Variants in CRNKL1 observed in about 807,000 individuals in gnomAD.
The protein encoded by CRNKL1 is crooked neck-like protein 1.
CRNKL1 carries 35 observed loss-of-function variants against 103.7 expected under a neutral mutation model. The observed-to-expected ratio is 0.34, with a 90% CI of 0.26 to 0.45. The LOEUF (loss-of-function observed/expected upper bound fraction) is 0.45. Ranked by LOEUF, CRNKL1 falls within the 20% of genes least tolerant of loss-of-function variation. The probability of loss-of-function intolerance (pLI) is 1.00; values close to 1 mark genes in which losing one functional copy is unlikely to be tolerated. For missense variants in CRNKL1, 645 were observed against 836.0 expected (o/e 0.77, Z 2.82); for synonymous variants, 267 against 282.6 (o/e 0.94, Z 0.55).
At chr20:20,054,612 G>A (rs1393462983), upstream of CRNKL1, among the ~76,000 whole-genome samples, 1 of 152,182 alleles carries the variant, frequency 6.6e-6, no homozygotes, top group Non-Finnish European at 1.5e-5. Context: ...TTGTTACTGT[G>A]CTACAATGGC....
intron 2 of CRNKL1, 24 bp downstream of exon 2, chr20:20,050,446 C>T: frequency 6.2e-7 from 1 of 1,604,482 alleles, no homozygotes; most frequent in Non-Finnish European, 8.5e-7. Flanking sequence ...AATTAGTGGA[C>T]TGAAAGATAC....
intron 11 of CRNKL1, among the ~76,000 whole-genome samples, chr20:20,039,126 C>T (rs1270221414): frequency 1.3e-5 from 2 of 152,180 alleles, no homozygotes; most frequent in Admixed American, 6.5e-5. Flanking sequence ...TCAAATCTTT[C>T]CTAGCTGTGG....
rs2043399709 is a variant in CRNKL1 at position 20,035,144 on chromosome 20, T to TAA, written c.*1049_*1050dup. ...TTCTACACATGCTCTAAACCAAGAGTAAGTTTAACATGTCAGCAGTGAGGA... is the reference window on the plus strand; with the variant it reads ...TTCTACACATGCTCTAAACCAAGAGTAAAAGTTTAACATGTCAGCAGTGAGGA... On this transcript the variant is annotated 3_prime_UTR_variant, in exon 14 of 14. Coordinates refer to ENST00000536226, the MANE Select transcript of CRNKL1 (RefSeq NM_001278628.2). 6.6e-6 allele frequency: 1 copy of TAA among 152,166 alleles called. No individual in the cohort carries two copies. The highest frequency in any genetic ancestry group is 2.1e-4 in the South Asian group (1 of 4,824). 9.4% of individuals were successfully genotyped at this position (152,166 alleles called of 1,614,324 possible).
upstream of CRNKL1, chr20:20,055,829 C>G (rs926645): frequency 0.08 from 58,232 of 728,846 alleles, 7,528 homozygotes; most frequent in East Asian, 0.56. Flanking sequence ...TTTGAGCTCA[C>G]TGGCTAGTAT....
upstream of CRNKL1, among the ~76,000 whole-genome samples, chr20:20,053,275 A>G (rs1419060415): frequency 1.3e-5 from 2 of 152,234 alleles, no homozygotes; most frequent in African/African-American, 2.4e-5. Flanking sequence ...TAGGTTCACA[A>G]CAAAATTAAG....
At chr20:20,052,844 T>G (rs1230883738), upstream of CRNKL1, 1 of 932,644 alleles carries the variant, frequency 1.1e-6, no homozygotes, top group Non-Finnish European at 1.6e-6. Flanking sequence ...TAGGCTGCAA[T>G]GCCTCGAGCA....
At chr20:20,048,733 G>A (rs2043634368) in intron 3 of CRNKL1, among the ~76,000 whole-genome samples, 2 of 152,188 alleles carry the variant, frequency 1.3e-5, no homozygotes, top group Admixed American at 1.3e-4. Context: ...AGATCTGCAC[G>A]GGAAACAGAG....
upstream of CRNKL1, among the ~76,000 whole-genome samples, chr20:20,053,755 GAGA>G (rs780470243): frequency 4.6e-5 from 7 of 152,040 alleles, no homozygotes; most frequent in African/African-American, 7.2e-5. Flanking sequence ...AATTTAAATA[GAGA>G]AGATTTTATA....
intron 8 of CRNKL1, 64 bp downstream of exon 8, chr20:20,042,261 G>T: frequency 7.3e-7 from 1 of 1,377,400 alleles, no homozygotes; most frequent in Non-Finnish European, 9.8e-7. Context: ...ATCCACAATA[G>T]GTGAGCTGTG....
At chr20:20,040,841 T>C in intron 9 of CRNKL1, 75 bp from the exon 10 acceptor site, 1 of 1,048,506 alleles carries the variant, frequency 9.5e-7, no homozygotes, top group South Asian at 1.4e-5. Context: ...TTAATTTAAA[T>C]TAACCAAAGC....
At chr20:20,040,416 T>G (rs2043494457) in intron 10 of CRNKL1, among the ~76,000 whole-genome samples, 1 of 152,134 alleles carries the variant, frequency 6.6e-6, no homozygotes, top group Non-Finnish European at 1.5e-5. Flanking sequence ...GATTACTAAT[T>G]CCAGTCTGTG....
At chr20:20,055,944 C>T (rs143987574), upstream of CRNKL1, 178 of 1,601,806 alleles carry the variant, frequency 1.1e-4, 1 homozygote, top group African/African-American at 1.7e-3. Context: ...ATTTTGTGAC[C>T]TACTGTTTTT....
In CRNKL1 at chr20:20,038,381, G is replaced by A. The variant is rs369861927; in HGVS notation, c.1615C>T (p.Arg539Trp). The A allele has an allele frequency of 1.4e-5, 22 of 1,552,308 alleles. No homozygotes were observed. The African/African-American group carries it at 1.9e-4, about 14-fold the overall frequency. ...TGCTGCGTCCGTTGAAGCAACCGCCGGTAAAGGTTTCGTGTTCTTTCTGTT... is the reference window on the plus strand; with the variant it reads ...TGCTGCGTCCGTTGAAGCAACCGCCAGTAAAGGTTTCGTGTTCTTTCTGTT... ...EETERTRNLY[R>W]RLLQRTQHVK... Residue 539 changes from arginine to tryptophan, a missense_variant, in exon 12 of 14, where the codon CGG becomes TGG. By Grantham distance (101) the Arg-to-Trp change is moderately radical (BLOSUM62 -3). Coordinates refer to ENST00000536226, the MANE Select transcript of CRNKL1 (RefSeq NM_001278628.2).
At chr20:20,052,054 ACCGAACCAC>A (rs2043760999) in intron 1 of CRNKL1, among the ~76,000 whole-genome samples, 1 of 151,856 alleles carries the variant, frequency 6.6e-6, no homozygotes, top group South Asian at 2.1e-4. Flanking sequence ...GTAAATCTTC[ACCGAACCAC>A]CCCACTCCAC....
intron 3 of CRNKL1, among the ~76,000 whole-genome samples, 175 bp from the exon 4 acceptor site, chr20:20,048,676 A>G (rs944320779): frequency 2.0e-5 from 3 of 152,264 alleles, no homozygotes; most frequent in Admixed American, 2.0e-4. Flanking sequence ...AGTCTTATAA[A>G]AAGACATGCA....
intron 9 of CRNKL1, among the ~76,000 whole-genome samples, chr20:20,041,137 A>G (rs1484032438): frequency 1.3e-5 from 2 of 152,230 alleles, no homozygotes; most frequent in Non-Finnish European, 2.9e-5. Flanking sequence ...CTCAGTCAAC[A>G]CTTCTACAGA....
At chr20:20,038,586 G>A in intron 11 of CRNKL1, 136 bp from the exon 12 acceptor site, 1 of 564,708 alleles carries the variant, frequency 1.8e-6, no homozygotes, top group South Asian at 2.4e-5. Context: ...GAACACATGT[G>A]GATAAGATAA....
Position 20,034,892 on chromosome 20 carries a change from G to A in CRNKL1, c.*1303C>T, listed in dbSNP as rs1190599033. On this transcript the variant is annotated 3_prime_UTR_variant, in exon 14 of 14. Coordinates refer to ENST00000536226, the MANE Select transcript of CRNKL1 (RefSeq NM_001278628.2). ...GATGTGCACATTTAATAATAAATTTGCTTACTAAAGGTCCTTTTAGGGGAA... is the reference window on the plus strand; with the variant it reads ...GATGTGCACATTTAATAATAAATTTACTTACTAAAGGTCCTTTTAGGGGAA... 2 of 152,116 alleles carry A rather than the reference G, an allele frequency of 1.3e-5. No homozygotes were observed. Among genetic ancestry groups the A allele is most frequent in the Admixed American group, 1.3e-4 (2 of 15,272 alleles). 9.4% of individuals were successfully genotyped at this position (152,116 alleles called of 1,614,324 possible). A position where few individuals can be genotyped will look rare whatever the true frequency, so the allele number is the denominator to read the frequency against.
intron 5 of CRNKL1, among the ~76,000 whole-genome samples, chr20:20,046,630 A>G (rs977108392): frequency 6.6e-5 from 10 of 152,338 alleles, no homozygotes; most frequent in African/African-American, 2.4e-4. Flanking sequence ...TTCTATCTTC[A>G]TTATTTTGTA....
Sources: gnomAD v4.1 joint callset for allele counts (sites outside exome capture counted in the v4.1 genomes callset) on GRCh38, gnomAD v4.1.1 for gene constraint, MANE v1.5 for transcripts, NCBI Gene and HGNC (gene_info 2026-07-23, HGNC 2026-07-21) for gene names.